NCAM2: variants seen among roughly 807,000 people sequenced by gnomAD.
NCAM2 encodes the protein neural cell adhesion molecule 2, also known as N-CAM-2.
Under a neutral mutation model 98.1 loss-of-function variants are expected in NCAM2, and 30 were observed. That is an observed-to-expected ratio of 0.31 (90% CI 0.23 to 0.41). The LOEUF is 0.41. Among genes scored for constraint, NCAM2 ranks in the 10% least tolerant of loss-of-function variants. The pLI is 1.00. For synonymous variants in NCAM2, 368 were observed against 342.4 expected, an observed-to-expected ratio of 1.07 and a Z score of -0.83; for missense variants, 867 against 1,005.8, an observed-to-expected ratio of 0.86 and a Z score of 1.87.
chr21:21,071,912 TATCTATC>T (rs2065576309), intron 1 of NCAM2, among the ~76,000 whole-genome samples: 1 of 150,264 alleles, frequency 6.7e-6, no homozygotes, highest in Admixed American at 6.6e-5. Flanking sequence ...TCTATCTATC[TATCTATC>T]TATATTTTTT....
chr21:21,331,506 A>ATATATAT (rs2074680789), intron 6 of NCAM2, among the ~76,000 whole-genome samples: 1 of 4,656 alleles, frequency 2.1e-4, no homozygotes, highest in Non-Finnish European at 3.4e-4. Flanking sequence ...TATACTCTAT[A>ATATATAT]CTCTCTCTCT....
At chr21:21,353,326 T>A (rs1556310) in intron 8 of NCAM2, among the ~76,000 whole-genome samples, 3 of 151,998 alleles carry the variant, frequency 2.0e-5, no homozygotes, top group Admixed American at 6.6e-5. Context: ...TCCGTATAGC[T>A]ACAAAGTTTA....
chr21:21,076,942 A>T (rs2065693018), intron 1 of NCAM2, among the ~76,000 whole-genome samples: 1 of 152,148 alleles, frequency 6.6e-6, no homozygotes, highest in African/African-American at 2.4e-5. Flanking sequence ...AGGTGACTGC[A>T]ACCTTGGCCC....
intron 1 of NCAM2, among the ~76,000 whole-genome samples, chr21:21,105,932 G>C (rs1485539481): frequency 6.6e-6 from 1 of 151,912 alleles, no homozygotes; most frequent in Non-Finnish European, 1.5e-5. Context: ...AATTAATCTT[G>C]CTTATGGCAT....
At chr21:21,420,260 C>T (rs2077084184) in intron 11 of NCAM2, among the ~76,000 whole-genome samples, 1 of 151,626 alleles carries the variant, frequency 6.6e-6, no homozygotes, top group Non-Finnish European at 1.5e-5. Context: ...CTAGTTTTAC[C>T]TCTAAAACTT....
chr21:21,130,922 A>C (rs1490219793), intron 1 of NCAM2, among the ~76,000 whole-genome samples: 1 of 152,194 alleles, frequency 6.6e-6, no homozygotes, highest in Non-Finnish European at 1.5e-5. Flanking sequence ...GTTTAACTGA[A>C]TGTTTCAGGT....
At chr21:21,061,030 G>T (rs1266613019) in intron 1 of NCAM2, among the ~76,000 whole-genome samples, 1 of 152,052 alleles carries the variant, frequency 6.6e-6, no homozygotes, top group Non-Finnish European at 1.5e-5. Flanking sequence ...CTCTCTTTAA[G>T]GTATAAGTTT....
intron 1 of NCAM2, among the ~76,000 whole-genome samples, chr21:21,220,933 A>G (rs1048388423): frequency 6.6e-6 from 1 of 152,172 alleles, no homozygotes; most frequent in Non-Finnish European, 1.5e-5. Context: ...TACAAATTGA[A>G]TTTTTGTGGC....
intron 14 of NCAM2, among the ~76,000 whole-genome samples, chr21:21,474,216 G>C (rs951407078): frequency 1.3e-5 from 2 of 151,974 alleles, no homozygotes; most frequent in African/African-American, 4.8e-5. Context: ...GGATTAAAAT[G>C]CCTTCTTGCC....
intron 10 of NCAM2, among the ~76,000 whole-genome samples, chr21:21,411,078 A>ACATATATACATGTGTG (rs2076859706): frequency 2.4e-5 from 2 of 83,706 alleles, no homozygotes; most frequent in African/African-American, 9.0e-5. Flanking sequence ...ATACACACAC[A>ACATATATACATGTGTG]TATATATATG....
intron 13 of NCAM2, among the ~76,000 whole-genome samples, chr21:21,467,399 T>A (rs9975131): frequency 0.011 from 1,606 of 143,966 alleles, 41 homozygotes; most frequent in African/African-American, 0.038. Flanking sequence ...TATATATATA[T>A]CGTTGTATAT....
At chr21:21,528,203 G>A (rs1443793770) in intron 16 of NCAM2, among the ~76,000 whole-genome samples, 1 of 152,120 alleles carries the variant, frequency 6.6e-6, no homozygotes, top group Non-Finnish European at 1.5e-5. Flanking sequence ...AAGAAGGGAG[G>A]AATAAGTAAA....
intron 1 of NCAM2, among the ~76,000 whole-genome samples, chr21:21,031,964 G>A (rs577264214): frequency 3.1e-4 from 47 of 152,264 alleles, no homozygotes; most frequent in African/African-American, 1.1e-3. Context: ...GATCTTAACA[G>A]GGAGCATGCT....
chr21:21,177,452 A>G (rs1418601738), intron 1 of NCAM2, among the ~76,000 whole-genome samples: 1 of 152,062 alleles, frequency 6.6e-6, no homozygotes, highest in East Asian at 1.9e-4. Context: ...AGAAATATTT[A>G]TTAATTAGCA....
At chr21:21,478,987 G>A (rs1190533868) in intron 15 of NCAM2, among the ~76,000 whole-genome samples, 3 of 152,078 alleles carry the variant, frequency 2.0e-5, no homozygotes, top group East Asian at 3.9e-4. Flanking sequence ...TAATGAATAC[G>A]TATGTGGTAA....
chr21:21,036,989 T>C (rs1332095232), intron 1 of NCAM2, among the ~76,000 whole-genome samples: 1 of 152,178 alleles, frequency 6.6e-6, no homozygotes, highest in Non-Finnish European at 1.5e-5. Context: ...TTCCTCTCTT[T>C]AGGCCCACTA....
At chr21:21,370,183 C>G (rs1014839445) in intron 8 of NCAM2, among the ~76,000 whole-genome samples, 2 of 151,864 alleles carry the variant, frequency 1.3e-5, no homozygotes, top group Admixed American at 6.6e-5. Context: ...TCACCTTTGT[C>G]TACCAAATTA....
chr21:21,120,309 A>T (rs2066645055), intron 1 of NCAM2, among the ~76,000 whole-genome samples: 1 of 152,204 alleles, frequency 6.6e-6, no homozygotes, highest in Admixed American at 6.5e-5. Flanking sequence ...GAAAAACAAG[A>T]TGATTCCACT....
At chr21:21,174,266 T>C (rs778915378) in intron 1 of NCAM2, among the ~76,000 whole-genome samples, 17 of 152,064 alleles carry the variant, frequency 1.1e-4, no homozygotes, top group Admixed American at 4.6e-4. Context: ...TTCCTTTGCA[T>C]GGATCATATT....
Sources: gnomAD v4.1 joint callset for allele counts (sites outside exome capture counted in the v4.1 genomes callset) on GRCh38, gnomAD v4.1.1 for gene constraint, MANE v1.5 for transcripts, NCBI Gene and HGNC (gene_info 2026-07-23, HGNC 2026-07-21) for gene names.